TCF4: variants seen among roughly 807,000 people sequenced by gnomAD.
The protein encoded by TCF4 is transcription factor 4.
In TCF4, 3 loss-of-function variants were observed where a neutral mutation model predicts 82.1. That is an observed-to-expected ratio of 0.04 (90% CI 0.02 to 0.09). TCF4 has a LOEUF of 0.09. TCF4 is among the 10% of genes least tolerant of loss of function. The probability of loss-of-function intolerance (pLI) is 1.00; values close to 1 mark genes in which losing one functional copy is unlikely to be tolerated. For synonymous variants in TCF4, 276 were observed against 309.6 expected (o/e 0.89, Z 1.14); for missense variants, 518 against 852.7 (o/e 0.61, Z 4.89).
At chr18:55,260,260 G>A (rs1230211838) in intron 12 of TCF4, among the ~76,000 whole-genome samples, 1 of 152,150 alleles carries the variant, frequency 6.6e-6, no homozygotes, top group Non-Finnish European at 1.5e-5. Context: ...CCAGGCTGGG[G>A]TCAGCAGACT....
intron 5 of TCF4, among the ~76,000 whole-genome samples, chr18:55,434,754 T>C (rs2147220236): frequency 1.4e-5 from 1 of 71,322 alleles, no homozygotes; most frequent in South Asian, 6.0e-4. Flanking sequence ...TGATCACCTC[T>C]CAAGTATTCG....
rs142392804 is a variant in TCF4, at chr18:55,432,752, T to C, written c.304+28267A>G. Among the ~76,000 whole-genome samples the C allele has an allele frequency of 4.1e-3, 620 of 152,334 alleles. 6 individuals are homozygous for C. The highest frequency in any genetic ancestry group is 0.014 in the African/African-American group (596 of 41,582). On this transcript the variant is annotated intron_variant, in intron 5 of 19. Coordinates refer to ENST00000354452, the MANE Select transcript of TCF4 (RefSeq NM_001083962.2). ...ATATTTTGCTCAAATTTATGAAAGA[T>C]TGTAAACTACTATGGGTGTAAACAC...
chr18:55,506,072 G>T (rs182478334), intron 3 of TCF4, among the ~76,000 whole-genome samples: 7 of 152,282 alleles, frequency 4.6e-5, no homozygotes, highest in Admixed American at 3.3e-4. Context: ...CTCTGAAATG[G>T]AGTGAATTCA....
At chr18:55,578,445 T>C (rs900704405) in intron 3 of TCF4, among the ~76,000 whole-genome samples, 5 of 152,054 alleles carry the variant, frequency 3.3e-5, no homozygotes, top group Non-Finnish European at 5.9e-5. Context: ...GCTCCTTACC[T>C]AAAAAATAGA....
intron 4 of TCF4, 131 bp downstream of exon 4, chr18:55,463,945 C>A: frequency 4.3e-6 from 3 of 704,440 alleles, no homozygotes; most frequent in Non-Finnish European, 6.9e-6. Flanking sequence ...CATGCCCATG[C>A]CTCTGTGTGT....
chr18:55,498,052 T>C (rs2096657134), intron 3 of TCF4, among the ~76,000 whole-genome samples: 2 of 152,242 alleles, frequency 1.3e-5, no homozygotes, highest in Non-Finnish European at 2.9e-5. Flanking sequence ...CACTGCCAGC[T>C]TGTCAGTCAC....
chr18:55,392,061 T>G (rs1167105937), intron 6 of TCF4, among the ~76,000 whole-genome samples: 1 of 137,180 alleles, frequency 7.3e-6, no homozygotes, highest in Admixed American at 7.3e-5. Flanking sequence ...CCTCCCAGGT[T>G]CAAGCAATTC....
intron 3 of TCF4, among the ~76,000 whole-genome samples, chr18:55,523,411 G>A (rs1197036385): frequency 6.6e-6 from 1 of 151,660 alleles, no homozygotes; most frequent in African/African-American, 2.4e-5. Context: ...AACCCTGGCA[G>A]GTCTTATCAG....
At chr18:55,459,389 T>C (rs1474377525) in intron 5 of TCF4, among the ~76,000 whole-genome samples, 1 of 152,242 alleles carries the variant, frequency 6.6e-6, no homozygotes, top group East Asian at 1.9e-4. Context: ...ATTTATCAAG[T>C]TGTTCTTTAG....
chr18:55,389,367 T>G (rs975931438), intron 6 of TCF4, among the ~76,000 whole-genome samples: 2 of 152,128 alleles, frequency 1.3e-5, no homozygotes, highest in African/African-American at 4.8e-5. Context: ...CCCCTAGCCT[T>G]TGCCCTTCTC....
chr18:55,291,042 A>G (rs1224270393), intron 8 of TCF4, among the ~76,000 whole-genome samples: 3 of 152,162 alleles, frequency 2.0e-5, no homozygotes, highest in Non-Finnish European at 2.9e-5. Context: ...TTCTTTAATC[A>G]TCATTTTGAG....
At chr18:55,369,257 G>A (rs769507493) in intron 6 of TCF4, among the ~76,000 whole-genome samples, 1 of 152,196 alleles carries the variant, frequency 6.6e-6, no homozygotes, top group Non-Finnish European at 1.5e-5. Context: ...GACTCAAACT[G>A]TCTTCTCAAC....
chr18:55,293,775 T>C (rs1238134853), intron 8 of TCF4, among the ~76,000 whole-genome samples: 1 of 152,148 alleles, frequency 6.6e-6, no homozygotes, highest in Non-Finnish European at 1.5e-5. Context: ...AGAAAGTTTC[T>C]TGACATGTGG....
chr18:55,240,638 C>T (rs1204057326), intron 15 of TCF4, among the ~76,000 whole-genome samples: 2 of 152,184 alleles, frequency 1.3e-5, no homozygotes, highest in Admixed American at 6.5e-5. Flanking sequence ...AGGAACAACA[C>T]TAGAGGCACA....
At chr18:55,422,896 T>C (rs181478739) in intron 5 of TCF4, among the ~76,000 whole-genome samples, 1 of 152,116 alleles carries the variant, frequency 6.6e-6, no homozygotes, top group East Asian at 1.9e-4. Flanking sequence ...GATGCATAAT[T>C]AGCCATCAGA....
In TCF4 at chr18:55,234,800, G is replaced by A. The variant is rs903698345; in HGVS notation, c.1351-117C>T. ...TTTCAAAAACCATACTCCCAAACGC[G>A]TTTCACTAGAGGGCGCTGAAGGACC... On this transcript the variant is annotated intron_variant, in intron 15 of 19. Transcript: ENST00000354452. 5 of 1,494,290 alleles carry A rather than the reference G, an allele frequency of 3.3e-6. No individual in the cohort carries two copies. The African/African-American group carries it at 4.1e-5, about 12-fold the overall frequency. The allele number at this position is 1,494,290 out of a possible 1,614,324, so 92.6% of individuals were successfully genotyped here. A position where few individuals can be genotyped will look rare whatever the true frequency, so the allele number is the denominator to read the frequency against.
At position 55,633,784 on chromosome 18, in the gene TCF4, GC is replaced by G. The variant is rs1288818331; in HGVS notation, c.195+1918del. Reference sequence around the variant, plus strand: ...AAATGAATAGGTATGTCTCGGTTAAGCCCAAAGTAGGTCTGTGGGCTATAGT... The same window carrying G: ...AAATGAATAGGTATGTCTCGGTTAAGCCAAAGTAGGTCTGTGGGCTATAGT... On this transcript the variant is annotated intron_variant, in intron 1 of 20. Coordinates refer to the TCF4 transcript ENST00000398339. This position sits in a 1 kb window ranked among gnomAD's most constrained non-coding sequence, Gnocchi z 4.0. Among the ~76,000 whole-genome samples the G allele has an allele frequency of 6.6e-6, 1 of 151,990 alleles. No individual in the cohort carries two copies. Among genetic ancestry groups the G allele is most frequent in the African/African-American group, 2.4e-5 (1 of 41,372 alleles).
chr18:55,493,877 A>G (rs1173369736), intron 3 of TCF4, among the ~76,000 whole-genome samples: 1 of 152,086 alleles, frequency 6.6e-6, no homozygotes, highest in Non-Finnish European at 1.5e-5. Flanking sequence ...CCCCAGGTCA[A>G]AGATCCTGCA....
intron 8 of TCF4, among the ~76,000 whole-genome samples, chr18:55,326,318 A>G (rs2076540835): frequency 1.3e-5 from 2 of 150,170 alleles, no homozygotes; most frequent in South Asian, 4.2e-4. Context: ...TCAGAGAATC[A>G]GCAGCATGTT....
Sources: gnomAD v4.1 joint callset for allele counts (sites outside exome capture counted in the v4.1 genomes callset) on GRCh38, gnomAD v4.1.1 for gene constraint, Gnocchi (gnomAD v3.1) non-coding constraint, MANE v1.5 for transcripts, NCBI Gene and HGNC (gene_info 2026-07-23, HGNC 2026-07-21) for gene names.